Variants in YIPF6 observed in about 807,000 individuals in gnomAD.
The protein encoded by YIPF6 is Yip1 domain family member 6.
A neutral mutation model predicts 16.8 loss-of-function variants in YIPF6; 3 were observed. The observed-to-expected ratio is 0.18, with a 90% CI of 0.08 to 0.46. The LOEUF (loss-of-function observed/expected upper bound fraction) is 0.46. YIPF6 is among the 20% of genes least tolerant of loss of function. The probability of loss-of-function intolerance (pLI) is 0.98; values close to 1 mark genes in which losing one functional copy is unlikely to be tolerated. For missense variants in YIPF6, 145 were observed against 184.9 expected (o/e 0.78, Z 1.25); for synonymous variants, 67 against 61.9 (o/e 1.08, Z -0.38).
In YIPF6 at chrX:68,531,531, A is replaced by T. The variant is rs1351480963; in HGVS notation, c.593-350A>T. ...ACAATTTCAGAAGCACAGTTAGCTC[A>T]AAAAGCAGAGCAGCACGAGGCCGTT... On this transcript the variant is annotated intron_variant, in intron 6 of 6. Transcript: ENST00000462683. Among the ~76,000 whole-genome samples, 6 of 112,349 alleles carry T rather than the reference A, an allele frequency of 5.3e-5. No homozygotes were observed. In the East Asian group the frequency reaches 1.7e-3, roughly 31 times the overall value.
At chrX:68,528,005 G>A (rs192763822) in intron 6 of YIPF6, among the ~76,000 whole-genome samples, 1 of 111,350 alleles carries the variant, frequency 9.0e-6, no homozygotes, top group Admixed American at 9.6e-5. Context: ...GGTCCATTTG[G>A]TCCAGAGCTG....
intron 3 of YIPF6, among the ~76,000 whole-genome samples, chrX:68,515,872 C>T (rs1420075130): frequency 9.0e-6 from 1 of 111,459 alleles, no homozygotes; most frequent in African/African-American, 3.3e-5. Flanking sequence ...GCTTCTAATC[C>T]CAGCGCTTTG....
intron 3 of YIPF6, chrX:68,513,667 A>C: frequency 6.6e-6 from 1 of 151,870 alleles, no homozygotes; most frequent in East Asian, 1.6e-4. Flanking sequence ...GGCTCACTGC[A>C]ACCTCCGCCT....
intron 4 of YIPF6, 118 bp downstream of exon 4, chrX:68,518,930 T>A: frequency 6.2e-6 from 4 of 640,623 alleles, no homozygotes; most frequent in African/African-American, 2.3e-5. Flanking sequence ...TGACATGTTG[T>A]ACATGTTATA....
intron 6 of YIPF6, among the ~76,000 whole-genome samples, chrX:68,531,452 G>A (rs745390004): frequency 1.2e-4 from 13 of 111,693 alleles, no homozygotes; most frequent in African/African-American, 3.9e-4. Context: ...TGAGTAAAAC[G>A]ATGATTAGGT....
chrX:68,506,156 G>C (rs892195313), intron 1 of YIPF6, among the ~76,000 whole-genome samples: 1 of 110,225 alleles, frequency 9.1e-6, no homozygotes, highest in Admixed American at 9.8e-5. Flanking sequence ...TTCTCTAACA[G>C]GTAAGGACTT....
At position 68,535,386 on chromosome X, in the gene YIPF6, T is replaced by C. The variant is rs1212106999; in HGVS notation, c.*3387T>C. 1 of 112,126 alleles carries C rather than the reference T, an allele frequency of 8.9e-6. No individual in the cohort carries two copies. Among genetic ancestry groups the C allele is most frequent in the African/African-American group, 3.2e-5 (1 of 30,837 alleles). 9.2% of individuals were successfully genotyped at this position (112,126 alleles called of 1,213,427 possible). On this transcript the variant is annotated 3_prime_UTR_variant, in exon 7 of 7. Transcript: ENST00000462683. ...GGAGACAAAAATGAAAATCTGTCAG[T>C]TCAAGTTCTTGGGTAACATCAAGTC...
chrX:68,499,345 G>C (rs896718026), intron 1 of YIPF6, among the ~76,000 whole-genome samples: 3 of 112,211 alleles, frequency 2.7e-5, no homozygotes, highest in African/African-American at 9.7e-5. Context: ...GTGAAACTCC[G>C]ATCTTTCCTT....
rs759861058 is a variant in YIPF6, at chrX:68,533,061, A to G, written c.*1062A>G. ...AGAACAGCTAGATACTTAGAGCATG[A>G]CGTGGGATGGGATGAGTTTACAGCT... is the stretch of plus-strand genomic sequence containing the variant. On this transcript the variant is annotated 3_prime_UTR_variant, in exon 7 of 7. Coordinates refer to ENST00000462683, the MANE Select transcript of YIPF6 (RefSeq NM_173834.4). 3.6e-5 allele frequency: 4 copies of G among 112,280 alleles called. No individual in the cohort carries two copies. Among genetic ancestry groups the G allele is most frequent in the Non-Finnish European group, 7.5e-5 (4 of 53,281 alleles). 9.3% of individuals were successfully genotyped at this position (112,280 alleles called of 1,213,427 possible). A position where few individuals can be genotyped will look rare whatever the true frequency, so the allele number is the denominator to read the frequency against.
rs2079132694 is a variant in YIPF6, at chrX:68,522,876, G to A, written c.551G>A (p.Arg184Gln). 6 of 1,208,616 alleles carry A rather than the reference G, an allele frequency of 5.0e-6. No individual in the cohort carries two copies. Among genetic ancestry groups the A allele is most frequent in the African/African-American group, 1.8e-5 (1 of 56,852 alleles). ...ADPGPVNFMVRLFVVIVMFAW... is the reference protein window; with the variant it reads ...ADPGPVNFMVQLFVVIVMFAW... ...CCAGGACCTGTAAACTTCATGGTTCGGCTTTTTGTGGTGATTGTGATGTTT... is the reference window on the plus strand; with the variant it reads ...CCAGGACCTGTAAACTTCATGGTTCAGCTTTTTGTGGTGATTGTGATGTTT... Residue 184 changes from arginine (R) to glutamine (Q), a missense_variant, in exon 6 of 7, where the codon CGG (arginine) becomes CAG (glutamine). Coordinates refer to ENST00000462683, the MANE Select transcript of YIPF6 (RefSeq NM_173834.4).
chrX:68,522,762 C>G lies in YIPF6; in HGVS notation c.437C>G (p.Ser146Cys), dbSNP rs923209467. 1 of 1,190,201 alleles carries G rather than the reference C, an allele frequency of 8.4e-7. No homozygotes were observed. Among genetic ancestry groups the G allele is most frequent in the Non-Finnish European group, 1.1e-6 (1 of 888,769 alleles). The change falls in exon 6 of 7, where the codon TCT becomes TGT. Residue 146 changes from serine to cysteine, a missense_variant and splice_region_variant. Physicochemically the swap from Ser to Cys is moderately radical, Grantham distance 112. Coordinates refer to ENST00000462683, the MANE Select transcript of YIPF6 (RefSeq NM_173834.4). ...TATTAATGTATTTTGTTTTTAAGAT[C>G]TTTTTTTCAGAGCCTCTGTGTGCTG... Reference protein sequence around the residue: ...LNSKLLGGNISFFQSLCVLGY... With the variant: ...LNSKLLGGNICFFQSLCVLGY...
intron 3 of YIPF6, chrX:68,515,096 G>A (rs1372980813): frequency 9.1e-6 from 1 of 110,372 alleles, no homozygotes; most frequent in Non-Finnish European, 1.9e-5. Flanking sequence ...GGAGGCCGAG[G>A]CGGGCGGATC....
chrX:68,509,203 G>T (rs1407623939), intron 1 of YIPF6, among the ~76,000 whole-genome samples: 2 of 108,534 alleles, frequency 1.8e-5, no homozygotes, highest in African/African-American at 6.7e-5. Context: ...TTGACCTCCT[G>T]GGCTCAAGTG....
At chrX:68,510,917 G>T (rs1328537553) in intron 1 of YIPF6, 1 of 112,990 alleles carries the variant, frequency 8.9e-6, no homozygotes, top group Non-Finnish European at 1.9e-5. Flanking sequence ...ACGGGCATGA[G>T]CCACCATGCC....
At chrX:68,517,274 A>G (rs1290421544) in intron 3 of YIPF6, among the ~76,000 whole-genome samples, 1 of 111,979 alleles carries the variant, frequency 8.9e-6, no homozygotes, top group Non-Finnish European at 1.9e-5. Context: ...CAGCCTCCCA[A>G]GTAGCTGGGA....
intron 6 of YIPF6, among the ~76,000 whole-genome samples, chrX:68,526,619 A>G (rs1423658351): frequency 1.8e-5 from 2 of 111,625 alleles, no homozygotes; most frequent in Admixed American, 9.6e-5. Flanking sequence ...TTTGTCATAA[A>G]TAGCTCTTAT....
At chrX:68,529,897 A>G (rs1474439842) in intron 6 of YIPF6, among the ~76,000 whole-genome samples, 1 of 111,507 alleles carries the variant, frequency 9.0e-6, no homozygotes, top group East Asian at 2.9e-4. Flanking sequence ...GCTCTCCTGT[A>G]TGAGGTGTCC....
Position 68,521,686 on chromosome X carries a change from G to T in YIPF6, c.434+189G>T, listed in dbSNP as rs759710645. On this transcript the variant is annotated intron_variant, in intron 5 of 6. Transcript: ENST00000462683. ...TCTCCCAGGCTCAGCGTCCCAAGTAGCTGGGATCCTCCTGCCCCAGCATCC... is the reference window on the plus strand; with the variant it reads ...TCTCCCAGGCTCAGCGTCCCAAGTATCTGGGATCCTCCTGCCCCAGCATCC... 4.6e-5 allele frequency among the ~76,000 whole-genome samples: 5 copies of T among 108,518 alleles called. No homozygotes were observed. The South Asian group carries it at 2.1e-3, about 45-fold the overall frequency. The allele number at this position is 108,518 out of a possible 115,157, so 94.2% of individuals were successfully genotyped here.
At chrX:68,515,041 C>T (rs2079095873) in intron 3 of YIPF6, 1 of 111,303 alleles carries the variant, frequency 9.0e-6, no homozygotes, top group African/African-American at 3.3e-5. Flanking sequence ...AAACTCCTGG[C>T]CTTGGCCGGG....
Sources: allele counts gnomAD v4.1 joint callset (sites outside exome capture counted in the v4.1 genomes callset), GRCh38; gene constraint gnomAD v4.1.1; transcripts MANE v1.5; gene names NCBI Gene and HGNC (gene_info 2026-07-23, HGNC 2026-07-21).